The following RBFOX1 variants were observed in gnomAD, a reference collection of about 807,000 sequenced individuals.
RBFOX1 encodes the protein RNA binding fox-1 homolog 1.
RBFOX1 carries 8 observed loss-of-function variants against 57.7 expected under a neutral mutation model. The ratio of observed to expected loss-of-function variants is 0.14; its 90% CI spans 0.08 to 0.25. The LOEUF (loss-of-function observed/expected upper bound fraction) is 0.25, where lower values mean the gene tolerates loss of function less well. Among genes scored for constraint, RBFOX1 ranks in the 10% least tolerant of loss-of-function variants. The pLI is 1.00. For synonymous variants in RBFOX1, 326 were observed against 222.4 expected, an observed-to-expected ratio of 1.47 and a Z score of -4.15; for missense variants, 611 against 548.5, an observed-to-expected ratio of 1.11 and a Z score of -1.14.
chr16:7,251,333 C>G (rs770609293), intron 4 of RBFOX1, among the ~76,000 whole-genome samples: 1 of 151,586 alleles, frequency 6.6e-6, no homozygotes, highest in South Asian at 2.1e-4. Context: ...CACAGTGTTG[C>G]AGTTGACAAG....
At chr16:6,764,224 C>T (rs905531954) in intron 3 of RBFOX1, among the ~76,000 whole-genome samples, 8 of 152,194 alleles carry the variant, frequency 5.3e-5, no homozygotes, top group East Asian at 1.9e-4. Context: ...AGTTTTATGA[C>T]AGCAGCTGGC....
intron 4 of RBFOX1, among the ~76,000 whole-genome samples, chr16:7,154,890 C>G (rs1470520577): frequency 6.6e-6 from 1 of 152,096 alleles, no homozygotes; most frequent in Non-Finnish European, 1.5e-5. Flanking sequence ...GGTAAGGAAA[C>G]TAGGATTACA....
intron 3 of RBFOX1, among the ~76,000 whole-genome samples, chr16:6,779,530 C>T (rs1242518979): frequency 1.3e-5 from 2 of 150,576 alleles, no homozygotes; most frequent in Admixed American, 6.7e-5. Context: ...TGAATATATA[C>T]CCAACAGTGA....
intron 1 of RBFOX1, among the ~76,000 whole-genome samples, chr16:5,386,504 C>T (rs972362626): frequency 2.6e-5 from 4 of 152,134 alleles, no homozygotes; most frequent in East Asian, 3.9e-4. Flanking sequence ...GCTTTCCCCC[C>T]GTAAATCACC....
At chr16:5,858,032 C>G (rs566012858) in intron 3 of RBFOX1, among the ~76,000 whole-genome samples, 3 of 152,264 alleles carry the variant, frequency 2.0e-5, no homozygotes, top group African/African-American at 4.8e-5. Context: ...GAGACTTCCA[C>G]AAGCAGAGGT....
intron 1 of RBFOX1, among the ~76,000 whole-genome samples, chr16:5,244,471 A>C (rs2062245665): frequency 6.6e-6 from 1 of 152,152 alleles, no homozygotes; most frequent in Non-Finnish European, 1.5e-5. Context: ...GTTCACTCCC[A>C]TACTGGGGAC....
At chr16:7,680,157 G>A (rs1046818384) in intron 14 of RBFOX1, among the ~76,000 whole-genome samples, 2 of 152,156 alleles carry the variant, frequency 1.3e-5, no homozygotes, top group African/African-American at 2.4e-5. Flanking sequence ...ACATCAGCTT[G>A]ATGAATGGCT....
chr16:7,018,768 A>C lies in RBFOX1; in HGVS notation c.-15-33289A>C, dbSNP rs576262783. On this transcript the variant is annotated intron_variant, in intron 3 of 15. Transcript: ENST00000550418. ...ACAAACCTGCACGTTGTGCACATGT[A>C]CCCTATACCTTAAAGTATTAAAAAA... Among the ~76,000 whole-genome samples, 3 of 145,180 alleles carry C rather than the reference A, an allele frequency of 2.1e-5. No individual in the cohort carries two copies. The South Asian group carries it at 7.1e-4, about 34-fold the overall frequency.
At chr16:6,614,062 A>G (rs757511222) in intron 2 of RBFOX1, among the ~76,000 whole-genome samples, 1 of 152,196 alleles carries the variant, frequency 6.6e-6, no homozygotes, top group Non-Finnish European at 1.5e-5. Context: ...CCCTTTCTAC[A>G]TTGTAAGTTG....
chr16:7,161,161 C>G (rs2078246165), intron 4 of RBFOX1, among the ~76,000 whole-genome samples: 1 of 152,050 alleles, frequency 6.6e-6, no homozygotes, highest in Non-Finnish European at 1.5e-5. Flanking sequence ...CTTTCTATCT[C>G]TGGGTGATTG....
chr16:6,925,362 C>T (rs151211540), intron 3 of RBFOX1, among the ~76,000 whole-genome samples: 1,886 of 151,360 alleles, frequency 0.012, 40 homozygotes, highest in African/African-American at 0.043. Flanking sequence ...TGACCTCAGG[C>T]GATCTACCTG....
chr16:6,559,541 G>T (rs1208578214), intron 2 of RBFOX1, among the ~76,000 whole-genome samples: 1 of 152,020 alleles, frequency 6.6e-6, no homozygotes, highest in African/African-American at 2.4e-5. Flanking sequence ...TTTTTGAACT[G>T]TATGACTTGA....
chr16:7,693,099 C>T (rs1209074639), intron 14 of RBFOX1, among the ~76,000 whole-genome samples: 1 of 152,124 alleles, frequency 6.6e-6, no homozygotes, highest in Non-Finnish European at 1.5e-5. Flanking sequence ...ACAGCTTGTA[C>T]ATAGTTCGTA....
chr16:5,316,508 T>C (rs1050137566), intron 1 of RBFOX1, among the ~76,000 whole-genome samples: 2 of 152,202 alleles, frequency 1.3e-5, no homozygotes, highest in Admixed American at 6.5e-5. Flanking sequence ...TCCACAACGA[T>C]AAACGTGCTT....
chr16:6,350,816 C>T (rs1364249501), intron 2 of RBFOX1, among the ~76,000 whole-genome samples: 1 of 152,164 alleles, frequency 6.6e-6, no homozygotes, highest in Non-Finnish European at 1.5e-5. Context: ...TCATACTCAT[C>T]AGCAAGGATG....
chr16:5,432,500 G>A (rs938422251), intron 1 of RBFOX1, among the ~76,000 whole-genome samples: 1 of 139,272 alleles, frequency 7.2e-6, no homozygotes, highest in Non-Finnish European at 1.5e-5. Context: ...TATTTTCTAT[G>A]ATTTCCCAAT....
intron 2 of RBFOX1, among the ~76,000 whole-genome samples, chr16:6,590,852 A>G (rs2097700419): frequency 6.6e-6 from 1 of 152,148 alleles, no homozygotes; most frequent in South Asian, 2.1e-4. Flanking sequence ...TTGACATGCA[A>G]GAATTGTACA....
intron 2 of RBFOX1, among the ~76,000 whole-genome samples, chr16:6,378,505 A>G (rs780777928): frequency 6.6e-6 from 1 of 152,164 alleles, no homozygotes; most frequent in Non-Finnish European, 1.5e-5. Context: ...AGGGCAAGAG[A>G]GTCAGAGCAC....
At chr16:6,376,470 C>G (rs951018552) in intron 2 of RBFOX1, among the ~76,000 whole-genome samples, 67 of 152,310 alleles carry the variant, frequency 4.4e-4, no homozygotes, top group African/African-American at 1.6e-3. Flanking sequence ...CCTTCGTTGC[C>G]TTTTCCAGTT....
Sources: gnomAD v4.1 joint callset for allele counts (sites outside exome capture counted in the v4.1 genomes callset) on GRCh38, gnomAD v4.1.1 for gene constraint, MANE v1.5 for transcripts, NCBI Gene and HGNC (gene_info 2026-07-23, HGNC 2026-07-21) for gene names.